PFKP: variants seen among roughly 807,000 people sequenced by gnomAD.
The protein encoded by PFKP is ATP-dependent 6-phosphofructokinase, platelet type.
PFKP carries 101 observed loss-of-function variants against 94.3 expected under a neutral mutation model. The observed-to-expected ratio is 1.07, with a 90% confidence interval of 0.91 to 1.26. The LOEUF is 1.26. PFKP is among the 50% of genes most tolerant of loss of function. PFKP has a pLI of 0.00. For synonymous variants in PFKP, 573 were observed against 432.6 expected (o/e 1.32, Z -4.03); for missense variants, 1,145 against 1,103.3 (o/e 1.04, Z -0.53).
intron 1 of PFKP, among the ~76,000 whole-genome samples, chr10:3,080,480 G>A (rs999279775): frequency 7.7e-6 from 1 of 129,262 alleles, no homozygotes; most frequent in South Asian, 2.4e-4. Context: ...TTGCACCACT[G>A]CACTCCAGCC....
chr10:3,118,397 G>A (rs1228584808), intron 14 of PFKP, among the ~76,000 whole-genome samples: 12 of 152,160 alleles, frequency 7.9e-5, no homozygotes, highest in Non-Finnish European at 4.4e-5. Flanking sequence ...GAACCCGGGA[G>A]GCGGAGCTTG....
Position 3,109,442 on chromosome 10 carries a change from C to T in PFKP, c.1051C>T (p.His351Tyr). The change falls in exon 10 of 22, where the codon CAC becomes TAC. Residue 351 changes from histidine to tyrosine, a missense_variant. Coordinates refer to ENST00000381125, the MANE Select transcript of PFKP (RefSeq NM_002627.5). ...TTGCGTCGTGTCACTGAACGGGAAC[C>T]ACGCCGTGCGCCTGCCGCTGATGGA... ...PACVVSLNGN[H>Y]AVRLPLMECV... 1 of 1,607,628 alleles carries T rather than the reference C, an allele frequency of 6.2e-7. No individual in the cohort carries two copies. Among genetic ancestry groups the T allele is most frequent in the Non-Finnish European group, 8.5e-7 (1 of 1,179,858 alleles).
chr10:3,135,975 C>T, intron 21 of PFKP, 137 bp downstream of exon 21: 3 of 632,298 alleles, frequency 4.7e-6, no homozygotes, highest in Non-Finnish European at 5.7e-6. Context: ...TAAAAAAATA[C>T]TAGGTCTTGG....
In PFKP at chr10:3,092,691, G is replaced by A. The variant is rs372308039; in HGVS notation, c.187-6584G>A. ...GTCAATAAAATTGAAAAAATATGGG[G>A]GAAAAAAACCTTTCCCTTCCTGATA... On this transcript the variant is annotated intron_variant, in intron 2 of 21. Coordinates refer to ENST00000381125, the MANE Select transcript of PFKP (RefSeq NM_002627.5). Among the ~76,000 whole-genome samples, 746 of 152,048 alleles carry A rather than the reference G, an allele frequency of 4.9e-3. 11 individuals are homozygous for A. The highest frequency in any genetic ancestry group is 0.017 in the Middle Eastern group (5 of 292).
chr10:3,073,435 C>G (rs749262162), intron 1 of PFKP, among the ~76,000 whole-genome samples: 3 of 151,860 alleles, frequency 2.0e-5, no homozygotes, highest in Admixed American at 6.6e-5. Context: ...CCTAGGGGAG[C>G]CTGCGGAGGT....
intron 11 of PFKP, 146 bp downstream of exon 11, chr10:3,112,432 A>G: frequency 1.4e-6 from 1 of 699,272 alleles, no homozygotes; most frequent in Non-Finnish European, 2.6e-6. Context: ...CCGCTCTTGC[A>G]GTAGCAGGCC....
chr10:3,074,395 A>T (rs971296286), intron 1 of PFKP, among the ~76,000 whole-genome samples: 5 of 152,128 alleles, frequency 3.3e-5, no homozygotes, highest in African/African-American at 1.2e-4. Context: ...AGAGTGGCCC[A>T]GTGGAGGACT....
chr10:3,076,224 T>TGAG (rs530539363), intron 1 of PFKP, among the ~76,000 whole-genome samples: 8 of 152,268 alleles, frequency 5.3e-5, no homozygotes, highest in African/African-American at 1.9e-4. Context: ...GCGGCTCCTC[T>TGAG]GAGGGACAGT....
intron 16 of PFKP, among the ~76,000 whole-genome samples, chr10:3,122,926 G>C (rs1455454099): frequency 6.6e-6 from 1 of 152,202 alleles, no homozygotes; most frequent in Non-Finnish European, 1.5e-5. Context: ...AGAGCACAGG[G>C]TGGGCTCCAT....
chr10:3,128,334 A>G (rs1838177269), intron 16 of PFKP, among the ~76,000 whole-genome samples: 1 of 152,168 alleles, frequency 6.6e-6, no homozygotes, highest in Non-Finnish European at 1.5e-5. Flanking sequence ...AAGAGAGGAC[A>G]TGGGGTGGCT....
intron 18 of PFKP, among the ~76,000 whole-genome samples, chr10:3,132,769 CTG>C (rs1838743590): frequency 6.6e-6 from 1 of 152,196 alleles, no homozygotes; most frequent in Non-Finnish European, 1.5e-5. Context: ...CAGTGGGTGT[CTG>C]AACCTGGGGA....
In PFKP at chr10:3,133,287, G is replaced by A. The variant is rs548246925; in HGVS notation, c.1995G>A (p.Arg665=). The change falls in exon 19 of 22, where the codon AGG becomes AGA. Residue 665 remains arginine, a synonymous_variant. Transcript: ENST00000381125. ...AGGGCAAAGGCGTGTTTGACTGCAGGAAGAACGTGCTGGGTCACATGCAGC... is the reference window on the plus strand; with the variant it reads ...AGGGCAAAGGCGTGTTTGACTGCAGAAAGAACGTGCTGGGTCACATGCAGC... ...SEEGKGVFDC[R]KNVLGHMQQG... 6 of 1,613,718 alleles carry A rather than the reference G, an allele frequency of 3.7e-6. No homozygotes were observed. Among genetic ancestry groups the A allele is most frequent in the Non-Finnish European group, 3.4e-6 (4 of 1,179,586 alleles).
rs1385632193 is a variant in PFKP at position 3,136,462 on chromosome 10, C to T, written c.2238C>T (p.Pro746=). 1.9e-6 allele frequency: 3 copies of T among 1,613,434 alleles called. No homozygotes were observed. The highest frequency in any genetic ancestry group is 1.3e-5 in the African/African-American group (1 of 74,886). Residue 746 remains proline, a synonymous_variant, in exon 22 of 22, where the codon CCC becomes CCT. Transcript: ENST00000381125. ...CTTACCTCCACAGGCACAGGATTCC[C>T]AAAGAACAGTGGTGGCTCAAGCTAC... ...KKQTDFEHRI[P]KEQWWLKLRP...
rs145011403 is a variant in PFKP at position 3,072,322 on chromosome 10, A to G, written c.112+4615A>G. Among the ~76,000 whole-genome samples the G allele has an allele frequency of 7.4e-3, 1,135 of 152,368 alleles. 13 individuals carry two copies. The highest frequency in any genetic ancestry group is 0.026 in the African/African-American group (1,101 of 41,580). On this transcript the variant is annotated intron_variant, in intron 1 of 21. Transcript: ENST00000381125. ...ATGACACACATATTTATTGGACACC[A>G]GGCTTGAGCCCCACATGGGCACCTT... is the stretch of plus-strand genomic sequence containing the variant.
At chr10:3,081,814 A>G (rs1833101418) in intron 1 of PFKP, among the ~76,000 whole-genome samples, 1 of 152,204 alleles carries the variant, frequency 6.6e-6, no homozygotes, top group Non-Finnish European at 1.5e-5. Flanking sequence ...ACATGATGAT[A>G]CATTGTAAAC....
At chr10:3,124,644 C>T (rs1464436031) in intron 16 of PFKP, among the ~76,000 whole-genome samples, 5 of 152,218 alleles carry the variant, frequency 3.3e-5, no homozygotes, top group African/African-American at 1.2e-4. Flanking sequence ...TGAAGGCGGG[C>T]ATTTGGTGTG....
At chr10:3,083,200 C>T (rs781298077) in intron 2 of PFKP, among the ~76,000 whole-genome samples, 1 of 152,156 alleles carries the variant, frequency 6.6e-6, no homozygotes, top group Non-Finnish European at 1.5e-5. Context: ...AGGAAAACAG[C>T]CACTTTGAGC....
chr10:3,077,249 C>CTTTTTTTTTTTTTTTTTTTTTTT (rs35306351), intron 1 of PFKP, among the ~76,000 whole-genome samples: 1 of 108,178 alleles, frequency 9.2e-6, no homozygotes. Flanking sequence ...CTATTCTTTA[C>CTTTTTTTTTTTTTTTTTTTTTTT]TTTTTTTTTT....
At position 3,130,074 on chromosome 10, in the gene PFKP, C is replaced by A. The variant is rs759497961; in HGVS notation, c.1848+91C>A. ...ATCGTGTCTAGGGTGGTTTGCTTTCCAAGGGGCATGGAGATGGAGATGCTA... is the reference window on the plus strand; with the variant it reads ...ATCGTGTCTAGGGTGGTTTGCTTTCAAAGGGGCATGGAGATGGAGATGCTA... On this transcript the variant is annotated intron_variant, in intron 17 of 21. Coordinates refer to ENST00000381125, the MANE Select transcript of PFKP (RefSeq NM_002627.5). 607 of 1,218,256 alleles carry A rather than the reference C, an allele frequency of 5.0e-4. 3 individuals carry two copies. Among genetic ancestry groups the A allele is most frequent in the Non-Finnish European group, 1.0e-4 (89 of 881,162 alleles). 75.5% of individuals were successfully genotyped at this position (1,218,256 alleles called of 1,614,324 possible).
Sources: gnomAD v4.1 joint callset for allele counts (sites outside exome capture counted in the v4.1 genomes callset) on GRCh38, gnomAD v4.1.1 for gene constraint, MANE v1.5 for transcripts, NCBI Gene and HGNC (gene_info 2026-07-23, HGNC 2026-07-21) for gene names.